Variants in IL20RA observed in about 807,000 individuals in gnomAD.
The protein encoded by IL20RA is interleukin-20 receptor subunit alpha.
Under a neutral mutation model 36.5 loss-of-function variants are expected in IL20RA, and 29 were observed. The observed-to-expected ratio is 0.79, with a 90% CI of 0.59 to 1.08. IL20RA has a LOEUF of 1.08. Among genes scored for constraint, IL20RA ranks in the 50% least tolerant of loss-of-function variants. The probability of loss-of-function intolerance (pLI) is 0.00; values close to 1 mark genes in which losing one functional copy is unlikely to be tolerated. For missense variants in IL20RA, 652 were observed against 668.4 expected (o/e 0.98, Z 0.27); for synonymous variants, 279 against 267.1 (o/e 1.04, Z -0.43).
At chr6:137,017,572 C>G (rs988511531) in intron 1 of IL20RA, among the ~76,000 whole-genome samples, 2 of 151,960 alleles carry the variant, frequency 1.3e-5, no homozygotes, top group Non-Finnish European at 2.9e-5. Context: ...TGTTTTAAAC[C>G]ACTAAGTTTT....
At chr6:137,029,215 T>C (rs1377767271) in intron 1 of IL20RA, among the ~76,000 whole-genome samples, 2 of 152,168 alleles carry the variant, frequency 1.3e-5, no homozygotes, top group Non-Finnish European at 2.9e-5. Flanking sequence ...TTTTAGAAAA[T>C]AAACTTTTTG....
At chr6:137,020,329 C>T (rs1178302097) in intron 1 of IL20RA, among the ~76,000 whole-genome samples, 1 of 152,244 alleles carries the variant, frequency 6.6e-6, no homozygotes, top group Non-Finnish European at 1.5e-5. Context: ...GCCAAAACCA[C>T]TTGGCTAAGC....
chr6:137,034,857 A>G (rs1776428878), intron 1 of IL20RA, among the ~76,000 whole-genome samples: 1 of 151,826 alleles, frequency 6.6e-6, no homozygotes, highest in Non-Finnish European at 1.5e-5. Context: ...AGGCAGGAGA[A>G]TGGTGAGAAC....
intron 6 of IL20RA, 48 bp from the exon 7 acceptor site, chr6:137,002,403 C>T: frequency 1.6e-6 from 2 of 1,241,724 alleles, no homozygotes; most frequent in Non-Finnish European, 2.3e-6. Flanking sequence ...TTTAGAGAGA[C>T]ATTAAAAACA....
At chr6:137,017,839 T>A (rs558913894) in intron 1 of IL20RA, among the ~76,000 whole-genome samples, 43 of 152,158 alleles carry the variant, frequency 2.8e-4, no homozygotes, top group African/African-American at 7.9e-4. Flanking sequence ...TTTACAGAAA[T>A]CCTTGTAGAG....
At chr6:137,019,130 CTTT>C (rs33960934) in intron 1 of IL20RA, among the ~76,000 whole-genome samples, 11 of 140,662 alleles carry the variant, frequency 7.8e-5, no homozygotes, top group Admixed American at 1.4e-4. Context: ...TTCTATTTAT[CTTT>C]TTTTTTTTTT....
At chr6:137,031,792 T>C (rs891260459) in intron 1 of IL20RA, among the ~76,000 whole-genome samples, 3 of 152,206 alleles carry the variant, frequency 2.0e-5, no homozygotes, top group Non-Finnish European at 2.9e-5. Flanking sequence ...TGTTGGCTCA[T>C]GCCTGTAGTT....
At chr6:137,028,363 C>A (rs1360145184) in intron 1 of IL20RA, among the ~76,000 whole-genome samples, 1 of 148,976 alleles carries the variant, frequency 6.7e-6, no homozygotes, top group Non-Finnish European at 1.5e-5. Flanking sequence ...TTGCAGTGAG[C>A]TGAGATCGTG....
intron 2 of IL20RA, among the ~76,000 whole-genome samples, chr6:137,014,109 A>G (rs1373750339): frequency 6.6e-6 from 1 of 152,098 alleles, no homozygotes; most frequent in Non-Finnish European, 1.5e-5. Context: ...TTCCTCTAAC[A>G]CTGGCTCCTG....
intron 2 of IL20RA, among the ~76,000 whole-genome samples, chr6:137,011,751 AT>A (rs1332476610): frequency 3.3e-5 from 5 of 152,176 alleles, no homozygotes; most frequent in Admixed American, 3.3e-4. Flanking sequence ...ATTTTTACAT[AT>A]TGTGTGATCA....
chr6:137,012,970 A>AT, intron 2 of IL20RA, among the ~76,000 whole-genome samples: 1 of 151,936 alleles, frequency 6.6e-6, no homozygotes, highest in Non-Finnish European at 1.5e-5. Context: ...AAGGGCTTTC[A>AT]ATTTTTTTTT....
chr6:137,041,532 T>C (rs147869839), intron 1 of IL20RA, among the ~76,000 whole-genome samples: 57 of 152,328 alleles, frequency 3.7e-4, no homozygotes, highest in African/African-American at 1.2e-3. Context: ...ATTAGTTCAC[T>C]AGAATCATTT....
intron 2 of IL20RA, 45 bp from the exon 3 acceptor site, chr6:137,011,497 T>C: frequency 7.8e-7 from 1 of 1,279,408 alleles, no homozygotes; most frequent in Non-Finnish European, 1.1e-6. Flanking sequence ...CCCTCTATAC[T>C]TTACAATAAA....
At chr6:137,037,401 T>C (rs1309351384) in intron 1 of IL20RA, among the ~76,000 whole-genome samples, 1 of 152,166 alleles carries the variant, frequency 6.6e-6, no homozygotes, top group Non-Finnish European at 1.5e-5. Flanking sequence ...CATCACAAGT[T>C]CTAGATAAAA....
chr6:137,035,530 T>G (rs1047751598), intron 1 of IL20RA, among the ~76,000 whole-genome samples: 2 of 152,152 alleles, frequency 1.3e-5, no homozygotes, highest in Non-Finnish European at 1.5e-5. Context: ...GAAAGGGCCC[T>G]TGTTTTCTTG....
intron 1 of IL20RA, chr6:137,044,416 A>C: frequency 3.2e-6 from 3 of 927,530 alleles, no homozygotes; most frequent in Non-Finnish European, 4.0e-6. Flanking sequence ...GGAGTCCTGC[A>C]AACTTGACCC....
chr6:137,042,586 G>A (rs1324035172), intron 1 of IL20RA, among the ~76,000 whole-genome samples: 1 of 152,264 alleles, frequency 6.6e-6, no homozygotes, highest in South Asian at 2.1e-4. Flanking sequence ...TGCCTTGAGG[G>A]AGCCGCATAG....
chr6:137,040,436 T>G (rs1197780390), intron 1 of IL20RA, among the ~76,000 whole-genome samples: 1 of 151,386 alleles, frequency 6.6e-6, no homozygotes, highest in East Asian at 2.0e-4. Context: ...CTTTCTCCAA[T>G]AGAAGGAACC....
At chr6:137,020,548 A>C (rs1262627960) in intron 1 of IL20RA, among the ~76,000 whole-genome samples, 1 of 151,674 alleles carries the variant, frequency 6.6e-6, no homozygotes, top group African/African-American at 2.4e-5. Context: ...TGCCTTAACA[A>C]TTTTGAGAAA....
Sources: gnomAD v4.1 joint callset for allele counts (sites outside exome capture counted in the v4.1 genomes callset) on GRCh38, gnomAD v4.1.1 for gene constraint, MANE v1.5 for transcripts, NCBI Gene and HGNC (gene_info 2026-07-23, HGNC 2026-07-21) for gene names.